GAB2: variants seen among roughly 807,000 people sequenced by gnomAD.
GAB2 encodes GRB2-associated-binding protein 2.
A neutral mutation model predicts 65.5 loss-of-function variants in GAB2; 26 were observed. The observed-to-expected ratio is 0.40, with a 90% CI of 0.29 to 0.55. The LOEUF is 0.55. Ranked by LOEUF, GAB2 falls within the 20% of genes least tolerant of loss-of-function variation. GAB2 has a pLI of 0.53. For synonymous variants in GAB2, 321 were observed against 329.6 expected, an observed-to-expected ratio of 0.97 and a Z score of 0.28; for missense variants, 884 against 875.8, an observed-to-expected ratio of 1.01 and a Z score of -0.12.
intron 1 of GAB2, among the ~76,000 whole-genome samples, chr11:78,289,778 G>A (rs1010447317): frequency 4.0e-5 from 6 of 150,332 alleles, no homozygotes; most frequent in Admixed American, 2.6e-4. Flanking sequence ...AGGAAGGTAG[G>A]GTTTGATATG....
At chr11:78,302,248 A>C (rs1351507467) in intron 1 of GAB2, among the ~76,000 whole-genome samples, 1 of 152,222 alleles carries the variant, frequency 6.6e-6, no homozygotes, top group African/African-American at 2.4e-5. Flanking sequence ...AGCAGAGTAA[A>C]CAGGCCAGAG....
intron 1 of GAB2, among the ~76,000 whole-genome samples, chr11:78,407,216 G>T (rs749893391): frequency 3.0e-4 from 45 of 152,284 alleles, no homozygotes; most frequent in Middle Eastern, 6.8e-3. Flanking sequence ...CTCAAATGTA[G>T]TAAGAAAGAT....
chr11:78,402,515 C>T (rs906777975), intron 1 of GAB2, among the ~76,000 whole-genome samples: 10 of 134,760 alleles, frequency 7.4e-5, no homozygotes, highest in East Asian at 3.9e-4. Flanking sequence ...ATGCAACCTC[C>T]GCCTCCCAGG....
At chr11:78,375,062 A>C (rs1235849647) in intron 1 of GAB2, among the ~76,000 whole-genome samples, 2 of 152,194 alleles carry the variant, frequency 1.3e-5, no homozygotes, top group Non-Finnish European at 2.9e-5. Context: ...TATTTTCTTT[A>C]GAGGCAGGGT....
Position 78,267,361 on chromosome 11 carries a change from C to T in GAB2, c.376+13240G>A, listed in dbSNP as rs780183350. ...CTGGCAACCAGTTAGTCCTGACACA[C>T]GTATCACCTCTAGATCACTATTTCC... On this transcript the variant is annotated intron_variant, in intron 2 of 9. Transcript: ENST00000361507. Among the ~76,000 whole-genome samples, 3 of 152,186 alleles carry T rather than the reference C, an allele frequency of 2.0e-5. No individual in the cohort carries two copies. The South Asian group carries it at 6.2e-4, about 32-fold the overall frequency.
intron 1 of GAB2, among the ~76,000 whole-genome samples, chr11:78,352,029 C>G (rs987393899): frequency 6.6e-6 from 1 of 151,920 alleles, no homozygotes; most frequent in African/African-American, 2.4e-5. Context: ...CTGGGCAGCA[C>G]GGTGAAACCC....
intron 3 of GAB2, 60 bp downstream of exon 3, chr11:78,250,097 A>G: frequency 6.4e-7 from 1 of 1,567,268 alleles, no homozygotes. Context: ...GCAAGGACTG[A>G]AAAGTACTAG....
At chr11:78,359,022 G>C (rs1004084543) in intron 1 of GAB2, among the ~76,000 whole-genome samples, 1 of 152,144 alleles carries the variant, frequency 6.6e-6, no homozygotes, top group African/African-American at 2.4e-5. Flanking sequence ...TAGTCAACTG[G>C]AAGAGCAATC....
intron 1 of GAB2, among the ~76,000 whole-genome samples, chr11:78,367,354 G>A (rs1856510675): frequency 6.6e-6 from 1 of 152,222 alleles, no homozygotes; most frequent in South Asian, 2.1e-4. Context: ...TGAGTGACTG[G>A]TGTGTGCATG....
intron 2 of GAB2, among the ~76,000 whole-genome samples, chr11:78,267,982 A>C (rs1865912592): frequency 6.6e-6 from 1 of 152,110 alleles, no homozygotes; most frequent in Non-Finnish European, 1.5e-5. Flanking sequence ...GGACTGATAA[A>C]AATTTCTGTA....
intron 1 of GAB2, among the ~76,000 whole-genome samples, chr11:78,386,512 T>C (rs758299455): frequency 5.3e-5 from 8 of 152,192 alleles, no homozygotes; most frequent in Admixed American, 1.3e-4. Context: ...TTTCTGACTT[T>C]CATTATGTGC....
At chr11:78,340,295 G>A (rs1180018838) in intron 1 of GAB2, among the ~76,000 whole-genome samples, 1 of 152,098 alleles carries the variant, frequency 6.6e-6, no homozygotes, top group Non-Finnish European at 1.5e-5. Context: ...CCCCTTTTTC[G>A]TGGATAATTC....
intron 2 of GAB2, among the ~76,000 whole-genome samples, chr11:78,270,244 C>T (rs1351478737): frequency 6.6e-6 from 1 of 151,850 alleles, no homozygotes; most frequent in African/African-American, 2.4e-5. Flanking sequence ...GGAGAATCGC[C>T]TGAACCCGGG....
At chr11:78,295,701 C>T (rs1170670273) in intron 1 of GAB2, among the ~76,000 whole-genome samples, 1 of 152,170 alleles carries the variant, frequency 6.6e-6, no homozygotes, top group Non-Finnish European at 1.5e-5. Context: ...GAGAGGACTA[C>T]TCTGCTTGCC....
intron 1 of GAB2, among the ~76,000 whole-genome samples, chr11:78,317,559 A>G (rs1855634829): frequency 1.0e-5 from 1 of 95,806 alleles, no homozygotes; most frequent in Admixed American, 1.1e-4. Context: ...ACTCCGTCTC[A>G]AAAAAAAAAA....
At position 78,222,204 on chromosome 11, in the gene GAB2, G is replaced by C. The variant is rs762636752; in HGVS notation, c.1568-9C>G. The C allele has an allele frequency of 2.5e-6, 4 of 1,596,574 alleles. No individual in the cohort carries two copies. The Admixed American group carries it at 6.7e-5, about 27-fold the overall frequency. ...AAGTGGTGTTGGCTTTGCTGGAGCA[G>C]GAAAAGAAAGTCTGGTAATCAGCCA... On this transcript the variant is annotated splice_polypyrimidine_tract_variant and intron_variant, in intron 6 of 9. Transcript: ENST00000361507.
intron 1 of GAB2, among the ~76,000 whole-genome samples, chr11:78,307,709 G>C (rs566988974): frequency 6.1e-4 from 93 of 152,098 alleles, no homozygotes; most frequent in African/African-American, 2.0e-3. Flanking sequence ...ATAACTAATT[G>C]AATCTGCAAA....
intron 1 of GAB2, among the ~76,000 whole-genome samples, chr11:78,370,725 A>ATGTGTGTGTGTGTGTG (rs113823389): frequency 6.2e-4 from 93 of 148,900 alleles, no homozygotes; most frequent in South Asian, 3.0e-3. Flanking sequence ...GTGTGTGTGT[A>ATGTGTGTGTGTGTGTG]TGTGTGTGTG....
chr11:78,290,646 C>G (rs1866638791), intron 1 of GAB2, among the ~76,000 whole-genome samples: 1 of 152,124 alleles, frequency 6.6e-6, no homozygotes, highest in South Asian at 2.1e-4. Flanking sequence ...TTTATCACAC[C>G]AGGATTCTGC....
Sources: gnomAD v4.1 joint callset for allele counts (sites outside exome capture counted in the v4.1 genomes callset) on GRCh38, gnomAD v4.1.1 for gene constraint, MANE v1.5 for transcripts, NCBI Gene and HGNC (gene_info 2026-07-23, HGNC 2026-07-21) for gene names.